C5: variants seen among roughly 807,000 people sequenced by gnomAD.
C5 encodes C3 and PZP-like alpha-2-macroglobulin domain-containing protein 4.
A neutral mutation model predicts 218.8 loss-of-function variants in C5; 140 were observed. That is an observed-to-expected ratio of 0.64 (90% CI 0.56 to 0.74). C5 has a LOEUF of 0.74. Ranked by LOEUF, C5 falls within the 30% of genes least tolerant of loss-of-function variation. The probability of loss-of-function intolerance (pLI) is 0.00; values close to 1 mark genes in which losing one functional copy is unlikely to be tolerated. For synonymous variants in C5, 614 were observed against 682.3 expected (o/e 0.90, Z 1.56); for missense variants, 1,700 against 1,969.6 (o/e 0.86, Z 2.59).
At position 120,963,619 on chromosome 9, in the gene C5, TA is replaced by T. The variant is rs1194905436; in HGVS notation, c.4323+16del. 1 of 1,564,532 alleles carries T rather than the reference TA, an allele frequency of 6.4e-7. No individual in the cohort carries two copies. Among genetic ancestry groups the T allele is most frequent in the Non-Finnish European group, 8.8e-7 (1 of 1,135,250 alleles). On this transcript the variant is annotated intron_variant, in intron 34 of 40. Coordinates refer to ENST00000223642, the MANE Select transcript of C5 (RefSeq NM_001735.3). ...AAAATGAAGCATTCACAACACGATT[TA>T]AAAGAAAACACATACGGCTTTTAAG...
the C5 span, among the ~76,000 whole-genome samples, chr9:121,065,062 T>C: frequency 1.8e-5 from 2 of 110,442 alleles, no homozygotes; most frequent in Admixed American, 2.2e-4. Flanking sequence ...AGAGTGAGAC[T>C]CCATCTAAAA....
intron 33 of C5, 58 bp from the exon 34 acceptor site, chr9:120,963,796 A>G: frequency 3.8e-6 from 5 of 1,312,892 alleles, no homozygotes; most frequent in Non-Finnish European, 5.4e-6. Context: ...GTCTTTAAGA[A>G]AGGACACTCT....
At chr9:120,993,580 G>A (rs1265119072) in intron 22 of C5, among the ~76,000 whole-genome samples, 3 of 152,046 alleles carry the variant, frequency 2.0e-5, no homozygotes, top group East Asian at 1.9e-4. Context: ...CCACCACCAC[G>A]CCTGGCTAAT....
At chr9:121,071,158 C>T in the C5 span, among the ~76,000 whole-genome samples, 1 of 151,694 alleles carries the variant, frequency 6.6e-6, no homozygotes, top group Non-Finnish European at 1.5e-5. Context: ...AAAATACACA[C>T]ACATACACAA....
At chr9:121,048,987 C>T (rs1215796759) in intron 1 of C5, among the ~76,000 whole-genome samples, 12 of 152,174 alleles carry the variant, frequency 7.9e-5, no homozygotes. Context: ...CCTGACCTTA[C>T]ACATTCTTTC....
At chr9:121,056,848 C>T in the C5 span, among the ~76,000 whole-genome samples, 1 of 151,964 alleles carries the variant, frequency 6.6e-6, no homozygotes, top group African/African-American at 2.4e-5. Flanking sequence ...ACTTTCCAAA[C>T]CTAGAGAAAG....
chr9:121,029,972 C>A (rs887290315), intron 7 of C5, among the ~76,000 whole-genome samples: 1 of 152,124 alleles, frequency 6.6e-6, no homozygotes, highest in Admixed American at 6.5e-5. Flanking sequence ...CCAGCCTGGC[C>A]CAGATCAGCA....
chr9:120,960,547 T>C (rs1358682135), intron 37 of C5, among the ~76,000 whole-genome samples: 2 of 152,224 alleles, frequency 1.3e-5, no homozygotes, highest in South Asian at 4.1e-4. Context: ...AACAAAATCT[T>C]GAGCATGTCA....
At chr9:121,017,900 AAAAC>A in intron 12 of C5, 48 bp from the exon 13 acceptor site, 1 of 1,215,870 alleles carries the variant, frequency 8.2e-7, no homozygotes, top group East Asian at 2.3e-5. Context: ...TAAACAAACA[AAAAC>A]AAAACCTGTG....
chr9:121,068,392 A>G, the C5 span, among the ~76,000 whole-genome samples: 1 of 152,168 alleles, frequency 6.6e-6, no homozygotes, highest in East Asian at 1.9e-4. Context: ...AATAGCTATT[A>G]AAAAAACACC....
chr9:120,961,923 CTATA>C (rs1335046801), intron 36 of C5, among the ~76,000 whole-genome samples: 2 of 152,132 alleles, frequency 1.3e-5, no homozygotes, highest in Admixed American at 6.5e-5. Context: ...CTATGTATCT[CTATA>C]TATCTATCTC....
At chr9:121,073,219 T>A in the C5 span, among the ~76,000 whole-genome samples, 3 of 152,230 alleles carry the variant, frequency 2.0e-5, no homozygotes, top group African/African-American at 7.2e-5. Flanking sequence ...CATGTTTCCA[T>A]ACTCATGTTT....
At chr9:121,005,884 T>C (rs374333832) in intron 20 of C5, 35 bp downstream of exon 20, 1 of 1,607,274 alleles carries the variant, frequency 6.2e-7, no homozygotes, top group African/African-American at 1.3e-5. Flanking sequence ...CCAGAGAATG[T>C]TTCCTTTATC....
chr9:120,983,884 A>T (rs2131701059), intron 25 of C5, among the ~76,000 whole-genome samples: 1 of 152,272 alleles, frequency 6.6e-6, no homozygotes, highest in Admixed American at 6.5e-5. Flanking sequence ...ACCTCCCAAC[A>T]GAAGATGACC....
At chr9:121,005,239 C>A (rs989826166) in intron 20 of C5, among the ~76,000 whole-genome samples, 1 of 152,146 alleles carries the variant, frequency 6.6e-6, no homozygotes, top group African/African-American at 2.4e-5. Context: ...TGGGTCCAAT[C>A]ATGGTTGGAA....
In C5 at chr9:120,997,705, T is replaced by C; in HGVS notation, c.2632A>G (p.Thr878Ala). 4.3e-6 allele frequency: 7 copies of C among 1,614,202 alleles called. No individual in the cohort carries two copies. Among genetic ancestry groups the C allele is most frequent in the Non-Finnish European group, 5.9e-6 (7 of 1,180,034 alleles). ...TGGCGCACACATTTGGAGGACTTTG[T>C]GCCCTGATGATCAATGACTGGGCTT... ...SESPVIDHQGTKSSKCVRQKV... is the reference protein window; with the variant it reads ...SESPVIDHQGAKSSKCVRQKV... Residue 878 changes from threonine to alanine, a missense_variant, in exon 21 of 41, where the codon ACA becomes GCA. Coordinates refer to ENST00000223642, the MANE Select transcript of C5 (RefSeq NM_001735.3).
intron 7 of C5, among the ~76,000 whole-genome samples, chr9:121,029,428 C>A (rs2047454398): frequency 6.6e-6 from 1 of 152,198 alleles, no homozygotes; most frequent in Admixed American, 6.5e-5. Context: ...AGTTTTTCCA[C>A]TTGTAACATG....
chr9:120,954,477 T>C (rs560682834), intron 39 of C5, among the ~76,000 whole-genome samples: 55 of 152,366 alleles, frequency 3.6e-4, no homozygotes, highest in Non-Finnish European at 6.8e-4. Flanking sequence ...GAATTTCATT[T>C]ATCTTGAAAG....
intron 2 of C5, among the ~76,000 whole-genome samples, chr9:121,044,458 A>C (rs10985137): frequency 0.12 from 18,158 of 152,100 alleles, 1,549 homozygotes; most frequent in African/African-American, 0.24. Context: ...CCTGGGTGAC[A>C]GAGCGAGACC....
Sources: gnomAD v4.1 joint callset for allele counts (sites outside exome capture counted in the v4.1 genomes callset) on GRCh38, gnomAD v4.1.1 for gene constraint, MANE v1.5 for transcripts, NCBI Gene and HGNC (gene_info 2026-07-23, HGNC 2026-07-21) for gene names.